The following NTM variants were observed in gnomAD, a reference collection of about 807,000 sequenced individuals.
NTM encodes the protein neurotrimin.
Under a neutral mutation model 42.1 loss-of-function variants are expected in NTM, and 13 were observed. The observed-to-expected ratio is 0.31, with a 90% CI of 0.20 to 0.49. The LOEUF is 0.49. NTM is among the 20% of genes least tolerant of loss of function. The probability of loss-of-function intolerance (pLI) is 0.99; values close to 1 mark genes in which losing one functional copy is unlikely to be tolerated. For synonymous variants in NTM, 187 were observed against 179.2 expected (o/e 1.04, Z -0.35); for missense variants, 373 against 452.8 (o/e 0.82, Z 1.60).
At position 131,911,595 on chromosome 11, in the gene NTM, C is replaced by T. The variant is rs1422006288; in HGVS notation, c.114C>T (p.Phe38=). ...CCGTGCGCAGCGGAGATGCCACCTT[C>T]CCCAAAGCTATGGACAACGTGACGG... ...GVPVRSGDAT[F]PKAMDNVTVR... is the part of the protein sequence containing the mutation. The change falls in exon 2 of 9, where the codon TTC becomes TTT. Residue 38 remains phenylalanine, a synonymous_variant. Transcript: ENST00000683400. 1 of 1,614,206 alleles carries T rather than the reference C, an allele frequency of 6.2e-7. No homozygotes were observed. Among genetic ancestry groups the T allele is most frequent in the African/African-American group, 1.3e-5 (1 of 75,058 alleles).
chr11:131,720,923 T>A (rs2078256236), intron 1 of NTM, among the ~76,000 whole-genome samples: 1 of 152,190 alleles, frequency 6.6e-6, no homozygotes, highest in African/African-American at 2.4e-5. Context: ...AGAACTTAGA[T>A]GAATGTTTGA....
At chr11:131,946,842 A>G (rs1356602263) in intron 2 of NTM, among the ~76,000 whole-genome samples, 1 of 152,226 alleles carries the variant, frequency 6.6e-6, no homozygotes, top group African/African-American at 2.4e-5. Context: ...TTCCTTATAA[A>G]TTTATGTGCA....
At chr11:131,529,025 T>C (rs2050879796) in intron 1 of NTM, among the ~76,000 whole-genome samples, 1 of 152,220 alleles carries the variant, frequency 6.6e-6, no homozygotes, top group Non-Finnish European at 1.5e-5. Context: ...TGCAATGGGA[T>C]TGAGTATCGC....
At chr11:132,195,074 C>T (rs1242533518) in intron 3 of NTM, among the ~76,000 whole-genome samples, 3 of 151,974 alleles carry the variant, frequency 2.0e-5, no homozygotes, top group East Asian at 1.9e-4. Context: ...CTGTCTGCCT[C>T]GGCCTCCTAA....
intron 1 of NTM, among the ~76,000 whole-genome samples, chr11:131,419,450 C>T (rs757404616): frequency 2.0e-5 from 3 of 152,070 alleles, no homozygotes; most frequent in African/African-American, 4.8e-5. Flanking sequence ...GGAGAGAGGA[C>T]ACCTAGGCTG....
At chr11:132,006,853 G>A (rs868636400) in intron 2 of NTM, among the ~76,000 whole-genome samples, 2 of 152,242 alleles carry the variant, frequency 1.3e-5, no homozygotes, top group East Asian at 3.9e-4. Flanking sequence ...GATCATGGGT[G>A]CCACTTCCTG....
At chr11:132,293,390 C>T (rs56091544) in intron 4 of NTM, among the ~76,000 whole-genome samples, 3,238 of 152,224 alleles carry the variant, frequency 0.021, 103 homozygotes, top group African/African-American at 0.073. Context: ...CCCATGTCCC[C>T]GCCTGAGTAT....
At chr11:131,775,019 C>T (rs1311880041) in intron 1 of NTM, among the ~76,000 whole-genome samples, 1 of 152,160 alleles carries the variant, frequency 6.6e-6, no homozygotes, top group Non-Finnish European at 1.5e-5. Context: ...AATAAGCACT[C>T]CAAAGGTGAA....
chr11:131,764,106 A>G (rs941690968), intron 1 of NTM, among the ~76,000 whole-genome samples: 9 of 152,194 alleles, frequency 5.9e-5, no homozygotes, highest in Admixed American at 3.9e-4. Flanking sequence ...AAATAATAGC[A>G]TTAATATTAA....
intron 4 of NTM, among the ~76,000 whole-genome samples, chr11:132,239,653 C>T (rs761755459): frequency 1.6e-4 from 25 of 152,142 alleles, no homozygotes; most frequent in Non-Finnish European, 3.2e-4. Flanking sequence ...TGTACATCTT[C>T]CCTCCCAAAC....
chr11:131,420,206 TG>T (rs1399346902), intron 1 of NTM, among the ~76,000 whole-genome samples: 6 of 152,172 alleles, frequency 3.9e-5, no homozygotes, highest in African/African-American at 1.4e-4. Flanking sequence ...GGAGTTATCC[TG>T]GATTATCCAG....
chr11:132,259,924 T>C (rs11222989), intron 4 of NTM, among the ~76,000 whole-genome samples: 9,659 of 151,932 alleles, frequency 0.064, 404 homozygotes, highest in South Asian at 0.15. Flanking sequence ...AATTTTTGTA[T>C]TTTTTGTAGA....
chr11:131,847,906 C>T (rs912877239), intron 1 of NTM, among the ~76,000 whole-genome samples: 11 of 152,126 alleles, frequency 7.2e-5, no homozygotes, highest in South Asian at 4.2e-4. Flanking sequence ...ATCCAGTTGA[C>T]GAGATTTAAA....
rs1408347201 is a variant in NTM, at chr11:132,336,409, A to T, written c.*1263A>T. The T allele has an allele frequency of 6.6e-6, 1 of 151,910 alleles. No individual in the cohort carries two copies. Among genetic ancestry groups the T allele is most frequent in the Admixed American group, 6.6e-5 (1 of 15,240 alleles). The allele number at this position is 151,910 out of a possible 1,614,324, so 9.4% of individuals were successfully genotyped here. A position where few individuals can be genotyped will look rare whatever the true frequency, so the allele number is the denominator to read the frequency against. ...AGGATAAAAAAAAAAAAAAACAACT[A>T]ATACCGGGCGCAGCATCTTTCCAGG... On this transcript the variant is annotated 3_prime_UTR_variant, in exon 9 of 9. Transcript: ENST00000683400.
chr11:131,848,908 C>T (rs928897402), intron 1 of NTM, among the ~76,000 whole-genome samples: 9 of 152,212 alleles, frequency 5.9e-5, no homozygotes, highest in Non-Finnish European at 8.8e-5. Flanking sequence ...TATTATATTA[C>T]TTGTCAATGT....
At chr11:132,268,105 A>G (rs898652529) in intron 4 of NTM, among the ~76,000 whole-genome samples, 7 of 152,274 alleles carry the variant, frequency 4.6e-5, no homozygotes, top group African/African-American at 1.2e-4. Context: ...GACTTTAACA[A>G]ATTTTTACTG....
At chr11:131,959,299 T>C (rs1487271017) in intron 2 of NTM, among the ~76,000 whole-genome samples, 2 of 152,188 alleles carry the variant, frequency 1.3e-5, no homozygotes, top group Non-Finnish European at 2.9e-5. Flanking sequence ...ACACCATTTC[T>C]GTCTTAAAGT....
intron 1 of NTM, among the ~76,000 whole-genome samples, chr11:131,584,101 C>A (rs932635011): frequency 1.3e-5 from 2 of 152,208 alleles, no homozygotes; most frequent in Non-Finnish European, 2.9e-5. Flanking sequence ...ACTAGGACTA[C>A]TACAGGCAAA....
chr11:131,725,741 A>G (rs1424163642), intron 1 of NTM, among the ~76,000 whole-genome samples: 1 of 152,156 alleles, frequency 6.6e-6, no homozygotes, highest in Non-Finnish European at 1.5e-5. Flanking sequence ...TAGGAGTGAG[A>G]TGGGAACACA....
Sources: allele counts gnomAD v4.1 joint callset (sites outside exome capture counted in the v4.1 genomes callset), GRCh38; gene constraint gnomAD v4.1.1; transcripts MANE v1.5; gene names NCBI Gene and HGNC (gene_info 2026-07-23, HGNC 2026-07-21).